Variants in CPT1A observed in about 807,000 individuals in gnomAD.
CPT1A encodes the protein carnitine palmitoyltransferase 1A.
In CPT1A, 64 loss-of-function variants were observed where a neutral mutation model predicts 100.8. That is an observed-to-expected ratio of 0.63 (90% CI 0.52 to 0.78). The LOEUF is 0.78. Ranked by LOEUF, CPT1A falls within the 30% of genes least tolerant of loss-of-function variation. The pLI, the probability that CPT1A is intolerant of heterozygous loss-of-function variation, is 0.00. For missense variants in CPT1A, 802 were observed against 1,034.1 expected (o/e 0.78, Z 3.08); for synonymous variants, 363 against 396.0 (o/e 0.92, Z 0.99).
chr11:68,790,551 G>A (rs1347319288), intron 9 of CPT1A, among the ~76,000 whole-genome samples: 1 of 152,126 alleles, frequency 6.6e-6, no homozygotes, highest in Non-Finnish European at 1.5e-5. Flanking sequence ...GGAGCACCTG[G>A]ACCCCCCCAG....
chr11:68,776,807 G>GTGCAACAC, intron 12 of CPT1A, among the ~76,000 whole-genome samples: 2 of 152,058 alleles, frequency 1.3e-5, no homozygotes, highest in Admixed American at 6.5e-5. Context: ...CAAGCACCTC[G>GTGCAACAC]TGAATATACT....
rs74235942 is a variant in CPT1A at position 68,766,153 on chromosome 11, T to C, written c.1741-3392A>G. ...CCCAAAGTGCTGGGGTTATGCTTTATAAAATGAAATACACAAGGTTATTGT... is the reference window on the plus strand; with the variant it reads ...CCCAAAGTGCTGGGGTTATGCTTTACAAAATGAAATACACAAGGTTATTGT... On this transcript the variant is annotated intron_variant, in intron 14 of 18. Coordinates refer to ENST00000265641, the MANE Select transcript of CPT1A (RefSeq NM_001876.4). 2.9e-3 allele frequency among the ~76,000 whole-genome samples: 440 copies of C among 152,062 alleles called. 2 individuals are homozygous for C. The highest frequency in any genetic ancestry group is 0.021 in the East Asian group (109 of 5,138).
chr11:68,759,373 C>T (rs1437732155), intron 18 of CPT1A, among the ~76,000 whole-genome samples, 196 bp downstream of exon 18: 3 of 149,768 alleles, frequency 2.0e-5, no homozygotes, highest in Admixed American at 6.7e-5. Context: ...CCAGCCTGGG[C>T]GACAGAGTGA....
In CPT1A at chr11:68,794,832, C is replaced by T. The variant is rs144866081; in HGVS notation, c.851G>A (p.Arg284His). 211 of 1,613,970 alleles carry T rather than the reference C, an allele frequency of 1.3e-4. 2 individuals carry two copies. The highest frequency in any genetic ancestry group is 5.0e-4 in the Admixed American group (30 of 59,992). ...NAIHAILLYRRKLDREEIKPI... is the reference protein window; with the variant it reads ...NAIHAILLYRHKLDREEIKPI... ...TTTGATTTCCTCCCGGTCCAGTTTG[C>T]GCCTGTAAAGCAGGATGGCATGGAT... Residue 284 changes from arginine to histidine, a missense_variant, in exon 8 of 19, where the codon CGC becomes CAC. Physicochemically the swap from Arg to His is conservative, Grantham distance 29. Transcript: ENST00000265641.
intron 5 of CPT1A, among the ~76,000 whole-genome samples, chr11:68,800,279 AAC>A (rs1855869192): frequency 6.6e-6 from 1 of 152,198 alleles, no homozygotes; most frequent in African/African-American, 2.4e-5. Flanking sequence ...CAGAGGTGGA[AAC>A]ACAGAGAGCA....
At chr11:68,820,845 T>C (rs1856563961) in intron 1 of CPT1A, among the ~76,000 whole-genome samples, 1 of 152,124 alleles carries the variant, frequency 6.6e-6, no homozygotes, top group Admixed American at 6.5e-5. Flanking sequence ...TACACAGTAG[T>C]ACTACACAGG....
intron 1 of CPT1A, among the ~76,000 whole-genome samples, chr11:68,828,157 A>C (rs888254424): frequency 2.6e-5 from 4 of 152,122 alleles, no homozygotes; most frequent in African/African-American, 4.8e-5. Flanking sequence ...TGATGTGGTC[A>C]TCCTGCCCTC....
At chr11:68,840,867 C>T (rs969867927) in intron 1 of CPT1A, among the ~76,000 whole-genome samples, 7 of 152,220 alleles carry the variant, frequency 4.6e-5, no homozygotes, top group African/African-American at 1.7e-4. Context: ...AGGGCACGGC[C>T]ACGTGACACC....
chr11:68,773,123 C>G, intron 14 of CPT1A, 142 bp downstream of exon 14: 1 of 1,471,882 alleles, frequency 6.8e-7, no homozygotes, highest in Non-Finnish European at 9.0e-7. Flanking sequence ...CGCCACCCGG[C>G]CCCCGGAGAC....
intron 1 of CPT1A, among the ~76,000 whole-genome samples, chr11:68,819,537 A>G (rs1856524486): frequency 6.6e-6 from 1 of 152,228 alleles, no homozygotes; most frequent in African/African-American, 2.4e-5. Context: ...GGCTTCATAC[A>G]GAACACAAAG....
chr11:68,776,812 T>TTGTACACTGA (rs1566351557), intron 12 of CPT1A, among the ~76,000 whole-genome samples: 2 of 152,112 alleles, frequency 1.3e-5, no homozygotes, highest in Admixed American at 6.5e-5. Context: ...ACCTCGTGAA[T>TTGTACACTGA]ATACTAAAAA....
At chr11:68,825,042 G>T (rs747213719) in intron 1 of CPT1A, among the ~76,000 whole-genome samples, 2 of 152,032 alleles carry the variant, frequency 1.3e-5, no homozygotes, top group Non-Finnish European at 2.9e-5. Flanking sequence ...CAGGTGATCT[G>T]CCCAACTCGG....
intron 16 of CPT1A, among the ~76,000 whole-genome samples, chr11:68,761,295 C>T (rs911364177): frequency 4.0e-5 from 6 of 150,576 alleles, no homozygotes; most frequent in African/African-American, 1.5e-4. Context: ...CTTACTGTGA[C>T]GTAAGCTCTC....
At chr11:68,823,625 C>T (rs947934504) in intron 1 of CPT1A, among the ~76,000 whole-genome samples, 1 of 151,592 alleles carries the variant, frequency 6.6e-6, no homozygotes. Flanking sequence ...CCCATCTCTC[C>T]TAAAAAATAC....
intron 14 of CPT1A, 48 bp from the exon 15 acceptor site, chr11:68,762,809 T>C (rs1854669187): frequency 6.2e-7 from 1 of 1,611,464 alleles, no homozygotes; most frequent in African/African-American, 1.3e-5. Context: ...TGCTGATATG[T>C]CTAAAACGTA....
rs374992208 is a variant in CPT1A, at chr11:68,757,616, G to A, written c.*28C>T. On this transcript the variant is annotated 3_prime_UTR_variant, in exon 19 of 19. Coordinates refer to ENST00000265641, the MANE Select transcript of CPT1A (RefSeq NM_001876.4). ...CATTTGGTTTGCATCAGAAGAGCTC[G>A]TTTTCCTTCCCAGCAGCTCCAGTGG... 1.4e-5 allele frequency: 23 copies of A among 1,613,922 alleles called. No individual in the cohort carries two copies. The highest frequency in any genetic ancestry group is 3.3e-5 in the South Asian group (3 of 91,088).
At chr11:68,781,255 C>T (rs3829242) in intron 11 of CPT1A, among the ~76,000 whole-genome samples, 119,918 of 152,106 alleles carry the variant, frequency 0.79, 47,876 homozygotes, top group East Asian at 0.89. Flanking sequence ...GGTGGTCATG[C>T]ACAGAGGAGG....
At chr11:68,788,555 C>T (rs1412455411) in intron 9 of CPT1A, among the ~76,000 whole-genome samples, 5 of 147,538 alleles carry the variant, frequency 3.4e-5, no homozygotes, top group African/African-American at 1.3e-4. Flanking sequence ...GCCAAGATTG[C>T]ACCACTGCAC....
intron 5 of CPT1A, among the ~76,000 whole-genome samples, chr11:68,802,896 C>CAAAAAAAAAAAAAAAA (rs901808584): frequency 8.9e-5 from 4 of 44,970 alleles, no homozygotes; most frequent in Non-Finnish European, 1.5e-4. Flanking sequence ...GACCCTGTCT[C>CAAAAAAAAAAAAAAAA]AAAAAAAAAA....
Sources: gnomAD v4.1 joint callset for allele counts (sites outside exome capture counted in the v4.1 genomes callset) on GRCh38, gnomAD v4.1.1 for gene constraint, MANE v1.5 for transcripts, NCBI Gene and HGNC (gene_info 2026-07-23, HGNC 2026-07-21) for gene names.